PRMT3: variants seen among roughly 807,000 people sequenced by gnomAD.
PRMT3 encodes protein arginine N-methyltransferase 3.
A neutral mutation model predicts 71.9 loss-of-function variants in PRMT3; 62 were observed. The ratio of observed to expected loss-of-function variants is 0.86; its 90% CI spans 0.70 to 1.07. The LOEUF (loss-of-function observed/expected upper bound fraction) is 1.07, where lower values mean the gene tolerates loss of function less well. Among genes scored for constraint, PRMT3 ranks in the 50% least tolerant of loss-of-function variants. The probability of loss-of-function intolerance (pLI) is 0.00; values close to 1 mark genes in which losing one functional copy is unlikely to be tolerated. For missense variants in PRMT3, 663 were observed against 643.0 expected (o/e 1.03, Z -0.34); for synonymous variants, 213 against 220.4 (o/e 0.97, Z 0.30).
chr11:20,491,681 T>G (rs769600337), intron 13 of PRMT3, among the ~76,000 whole-genome samples: 36 of 151,982 alleles, frequency 2.4e-4, no homozygotes, highest in Non-Finnish European at 3.8e-4. Context: ...TTGGTTTCGG[T>G]TTTTTTTCCA....
chr11:20,388,090 G>A lies in PRMT3; in HGVS notation c.100G>A (p.Glu34Lys). The A allele has an allele frequency of 6.2e-7, 1 of 1,614,058 alleles. No individual in the cohort carries two copies. The highest frequency in any genetic ancestry group is 8.5e-7 in the Non-Finnish European group (1 of 1,180,002). The change falls in exon 2 of 16, where the codon GAG (glutamate) becomes AAG (lysine). Residue 34 changes from glutamate to lysine, a missense_variant. Physicochemically the swap from Glu to Lys is moderately conservative, Grantham distance 56 (BLOSUM62 1). Transcript: ENST00000331079. ...GGACAGCGGGGACGAGGCCGCCTGG[G>A]AGGATGAGGACGATGCAGATCTCCC... ...LSDSGDEAAW[E>K]DEDDADLPHG...
At chr11:20,476,586 A>G (rs1206661747) in intron 13 of PRMT3, among the ~76,000 whole-genome samples, 3 of 152,182 alleles carry the variant, frequency 2.0e-5, no homozygotes, top group African/African-American at 4.8e-5. Context: ...AATAAAGGAA[A>G]AGCTTGAAGT....
At chr11:20,417,227 T>C (rs956237122) in intron 9 of PRMT3, among the ~76,000 whole-genome samples, 1 of 152,198 alleles carries the variant, frequency 6.6e-6, no homozygotes, top group East Asian at 1.9e-4. Context: ...CATTTATCAG[T>C]GTCTTACATT....
chr11:20,451,566 G>A (rs1038519268), intron 10 of PRMT3, among the ~76,000 whole-genome samples: 3 of 151,962 alleles, frequency 2.0e-5, no homozygotes, highest in African/African-American at 7.3e-5. Flanking sequence ...CTAGACTAGA[G>A]TTTCTCAACC....
At chr11:20,477,851 A>C in intron 13 of PRMT3, among the ~76,000 whole-genome samples, 2 of 123,722 alleles carry the variant, frequency 1.6e-5, no homozygotes, top group Admixed American at 8.6e-5. Context: ...AGCTTCATCC[A>C]CTCCAATAAG....
chr11:20,452,157 T>C lies in PRMT3; in HGVS notation c.1021T>C (p.Leu341=). ...MGYFLLFESM[L]DSVLYAKNKY... ...CTATTTTCTTCTGTTTGAGTCTATG[T>C]TAGATTCTGTCCTTTATGCAAAGAA... is the stretch of plus-strand genomic sequence containing the variant. The change falls in exon 11 of 16, where the codon TTA becomes CTA. Residue 341 remains leucine, a synonymous_variant. Coordinates refer to ENST00000331079, the MANE Select transcript of PRMT3 (RefSeq NM_005788.4). The C allele has an allele frequency of 6.2e-7, 1 of 1,610,184 alleles. No individual in the cohort carries two copies. Among genetic ancestry groups the C allele is most frequent in the Non-Finnish European group, 8.5e-7 (1 of 1,176,854 alleles).
intron 13 of PRMT3, among the ~76,000 whole-genome samples, chr11:20,477,026 C>T (rs1850806671): frequency 6.6e-6 from 1 of 152,086 alleles, no homozygotes; most frequent in African/African-American, 2.4e-5. Context: ...TTTGATTTCC[C>T]GTGTCTTAAG....
At chr11:20,413,013 T>C (rs1849228726) in intron 9 of PRMT3, among the ~76,000 whole-genome samples, 1 of 152,182 alleles carries the variant, frequency 6.6e-6, no homozygotes. Context: ...CAATTCCTTA[T>C]CTCCATTGAA....
At chr11:20,464,619 A>T in intron 13 of PRMT3, 73 bp downstream of exon 13, 1 of 1,578,026 alleles carries the variant, frequency 6.3e-7, no homozygotes, top group Non-Finnish European at 8.6e-7. Context: ...GAGTTTAATT[A>T]CCAGGCTTGT....
At chr11:20,480,102 A>C (rs937013960) in intron 13 of PRMT3, among the ~76,000 whole-genome samples, 3 of 152,198 alleles carry the variant, frequency 2.0e-5, no homozygotes, top group Non-Finnish European at 4.4e-5. Context: ...GCTTGAAGCC[A>C]GAAGTTCGAG....
At chr11:20,456,474 G>T (rs1367382314) in intron 11 of PRMT3, among the ~76,000 whole-genome samples, 1 of 152,118 alleles carries the variant, frequency 6.6e-6, no homozygotes, top group Non-Finnish European at 1.5e-5. Context: ...TCTTTCCCAT[G>T]AATTGCTTGG....
At chr11:20,421,774 T>C (rs1186885295) in intron 9 of PRMT3, among the ~76,000 whole-genome samples, 1 of 152,216 alleles carries the variant, frequency 6.6e-6, no homozygotes, top group Non-Finnish European at 1.5e-5. Flanking sequence ...AAACATCATG[T>C]GGGCCCCGTG....
intron 10 of PRMT3, among the ~76,000 whole-genome samples, chr11:20,438,182 C>T (rs1849804711): frequency 6.6e-6 from 1 of 151,980 alleles, no homozygotes; most frequent in African/African-American, 2.4e-5. Context: ...TCCAGCAGCT[C>T]GGAACCAGAG....
intron 11 of PRMT3, among the ~76,000 whole-genome samples, chr11:20,458,673 A>G (rs1356883893): frequency 3.3e-5 from 5 of 152,228 alleles, no homozygotes; most frequent in African/African-American, 9.6e-5. Context: ...AAATTGACCT[A>G]TAACACTGAT....
intron 8 of PRMT3, 54 bp downstream of exon 8, chr11:20,403,038 A>G: frequency 7.6e-7 from 1 of 1,324,248 alleles, no homozygotes; most frequent in South Asian, 1.2e-5. Flanking sequence ...TGGGCAGTAG[A>G]AATCCTCTCT....
intron 8 of PRMT3, among the ~76,000 whole-genome samples, chr11:20,403,653 A>G (rs1464385870): frequency 6.7e-6 from 1 of 148,898 alleles, no homozygotes; most frequent in Non-Finnish European, 1.5e-5. Context: ...ATACATTGGC[A>G]TGGTTACTTA....
chr11:20,469,951 AAAG>A (rs1446475666), intron 13 of PRMT3, among the ~76,000 whole-genome samples: 3 of 152,334 alleles, frequency 2.0e-5, no homozygotes, highest in Middle Eastern at 3.4e-3. Context: ...CTGAATTAAA[AAAG>A]AAGCAGACTT....
chr11:20,419,992 C>T (rs745673867), intron 9 of PRMT3, among the ~76,000 whole-genome samples: 6 of 151,998 alleles, frequency 3.9e-5, no homozygotes, highest in African/African-American at 1.2e-4. Context: ...AGCAACATGG[C>T]GAAACCCTAT....
chr11:20,484,077 A>T (rs1011489916), intron 13 of PRMT3, among the ~76,000 whole-genome samples: 1 of 152,192 alleles, frequency 6.6e-6, no homozygotes, highest in African/African-American at 2.4e-5. Context: ...GATTTCCTAT[A>T]GTCCCTGAAC....
Sources: allele counts gnomAD v4.1 joint callset (sites outside exome capture counted in the v4.1 genomes callset), GRCh38; gene constraint gnomAD v4.1.1; transcripts MANE v1.5; gene names NCBI Gene and HGNC (gene_info 2026-07-23, HGNC 2026-07-21).